ZNF420: variants seen among roughly 807,000 people sequenced by gnomAD.
ZNF420 encodes the protein zinc finger protein 420.
A neutral mutation model predicts 44.7 loss-of-function variants in ZNF420; 31 were observed. The observed-to-expected ratio is 0.69, with a 90% CI of 0.52 to 0.94. The LOEUF is 0.94. Ranked by LOEUF, ZNF420 falls within the 40% of genes least tolerant of loss-of-function variation. The pLI is 0.00. For synonymous variants in ZNF420, 245 were observed against 267.4 expected (o/e 0.92, Z 0.82); for missense variants, 681 against 827.9 (o/e 0.82, Z 2.18).
Position 37,130,275 on chromosome 19 carries a change from GCCT to G in ZNF420, c.*1221_*1223del. Reference sequence around the variant, plus strand: ...CAGCCATACTAGCTCTGGTCTGCTTGCCTCCTGTTTCTCTTTAAATAAAATTAA... The same window carrying G: ...CAGCCATACTAGCTCTGGTCTGCTTGCCTGTTTCTCTTTAAATAAAATTAA... On this transcript the variant is annotated 3_prime_UTR_variant, in exon 5 of 5. Transcript: ENST00000337995. 7.0e-7 allele frequency: 1 copy of G among 1,424,880 alleles called. No homozygotes were observed. The highest frequency in any genetic ancestry group is 9.2e-7 in the Non-Finnish European group (1 of 1,084,856). 88.3% of individuals were successfully genotyped at this position (1,424,880 alleles called of 1,614,324 possible).
At chr19:37,113,913 C>CA (rs1970515766) in intron 4 of ZNF420, among the ~76,000 whole-genome samples, 1 of 152,078 alleles carries the variant, frequency 6.6e-6, no homozygotes. Context: ...ATCATTTGGC[C>CA]AAAATCTCCC....
chr19:37,072,922 GA>G (rs1002001483), intron 1 of ZNF420, among the ~76,000 whole-genome samples: 10 of 151,964 alleles, frequency 6.6e-5, no homozygotes, highest in African/African-American at 1.7e-4. Context: ...TTTAAAACAT[GA>G]AAAAAACAGA....
chr19:37,094,721 G>A (rs1242267943), intron 4 of ZNF420, among the ~76,000 whole-genome samples: 1 of 152,124 alleles, frequency 6.6e-6, no homozygotes, highest in African/African-American at 2.4e-5. Context: ...GGAGAGATAA[G>A]AAATTGACAT....
intron 4 of ZNF420, among the ~76,000 whole-genome samples, chr19:37,114,117 T>C (rs1970527429): frequency 6.6e-6 from 1 of 152,204 alleles, no homozygotes; most frequent in Non-Finnish European, 1.5e-5. Context: ...TCGGTTCTAA[T>C]ATTACTGGGA....
intron 3 of ZNF420, among the ~76,000 whole-genome samples, chr19:37,089,783 A>T (rs1969032071): frequency 6.6e-6 from 1 of 152,232 alleles, no homozygotes; most frequent in Non-Finnish European, 1.5e-5. Flanking sequence ...GTTGTTGAGA[A>T]TTATAAACTC....
At chr19:37,076,766 T>G (rs1213696242), upstream of ZNF420, among the ~76,000 whole-genome samples, 1 of 152,204 alleles carries the variant, frequency 6.6e-6, no homozygotes, top group African/African-American at 2.4e-5. Context: ...CTTAATCCAG[T>G]CTATCATTGA....
At chr19:37,084,713 G>T (rs952408642) in intron 2 of ZNF420, among the ~76,000 whole-genome samples, 2 of 151,670 alleles carry the variant, frequency 1.3e-5, no homozygotes, top group Admixed American at 1.3e-4. Flanking sequence ...AATATCCATG[G>T]GATGATTTGT....
At chr19:37,125,026 C>CGG (rs749653623) in intron 4 of ZNF420, among the ~76,000 whole-genome samples, 26 of 151,988 alleles carry the variant, frequency 1.7e-4, no homozygotes, top group Non-Finnish European at 3.2e-4. Flanking sequence ...TTAGTAGAGA[C>CGG]GGGTTTTCAC....
At chr19:37,020,216 CAAAAAAAAAA>C (rs376616699) in intron 1 of ZNF420, among the ~76,000 whole-genome samples, 52 of 99,850 alleles carry the variant, frequency 5.2e-4, no homozygotes, top group Admixed American at 1.8e-3. Flanking sequence ...GACTCCGTCT[CAAAAAAAAAA>C]AAAAAAAAAA....
chr19:37,048,204 A>C (rs980041722), intron 1 of ZNF420, among the ~76,000 whole-genome samples: 2 of 152,220 alleles, frequency 1.3e-5, no homozygotes, highest in Non-Finnish European at 2.9e-5. Context: ...TCAACAGGAC[A>C]ATTATAGGAA....
intron 2 of ZNF420, among the ~76,000 whole-genome samples, 191 bp from the exon 3 acceptor site, chr19:37,088,848 A>T (rs577249294): frequency 6.6e-6 from 1 of 152,270 alleles, no homozygotes; most frequent in East Asian, 1.9e-4. Context: ...AGACATTGTT[A>T]TATTTTCTTT....
intron 4 of ZNF420, chr19:37,107,407 G>C (rs1243915831): frequency 1.3e-5 from 2 of 152,226 alleles, no homozygotes; most frequent in Non-Finnish European, 2.9e-5. Context: ...AGTACATCCT[G>C]CATAGCCCTT....
intron 1 of ZNF420, among the ~76,000 whole-genome samples, chr19:37,035,989 A>G (rs1967347706): frequency 6.6e-6 from 1 of 151,926 alleles, no homozygotes; most frequent in Admixed American, 6.6e-5. Context: ...TGCAGTCCCC[A>G]CTCTAAGCCC....
intron 1 of ZNF420, among the ~76,000 whole-genome samples, chr19:37,065,330 C>T (rs186025532): frequency 2.0e-5 from 3 of 152,298 alleles, no homozygotes; most frequent in East Asian, 3.9e-4. Context: ...CCCTGGACCC[C>T]GGACATGTTC....
intron 4 of ZNF420, among the ~76,000 whole-genome samples, chr19:37,106,410 C>T (rs1263924443): frequency 6.6e-6 from 1 of 152,150 alleles, no homozygotes; most frequent in Non-Finnish European, 1.5e-5. Context: ...CTGCTGGATT[C>T]GGTTTGCCAG....
intron 1 of ZNF420, among the ~76,000 whole-genome samples, chr19:37,061,817 A>G (rs1967883826): frequency 6.6e-6 from 1 of 152,214 alleles, no homozygotes; most frequent in Non-Finnish European, 1.5e-5. Context: ...TTTCTTACAG[A>G]AACAATACAC....
chr19:37,008,225 G>C (rs1351355611), intron 1 of ZNF420: 8 of 306,664 alleles, frequency 2.6e-5, no homozygotes, highest in Non-Finnish European at 4.9e-5. Context: ...GGGCGGGGGG[G>C]GATGTTTGTG....
At chr19:37,050,815 G>C (rs1241279873) in intron 1 of ZNF420, among the ~76,000 whole-genome samples, 2 of 152,182 alleles carry the variant, frequency 1.3e-5, no homozygotes, top group African/African-American at 4.8e-5. Flanking sequence ...AATGCTTCCA[G>C]TTTTTGTCCA....
intron 4 of ZNF420, among the ~76,000 whole-genome samples, chr19:37,094,424 CAT>C (rs1372033550): frequency 2.0e-5 from 3 of 151,982 alleles, no homozygotes; most frequent in Admixed American, 6.6e-5. Context: ...AAATTTTTAT[CAT>C]GTGTACCTAA....
Sources: gnomAD v4.1 joint callset for allele counts (sites outside exome capture counted in the v4.1 genomes callset) on GRCh38, gnomAD v4.1.1 for gene constraint, MANE v1.5 for transcripts, NCBI Gene and HGNC (gene_info 2026-07-23, HGNC 2026-07-21) for gene names.